ADAMTS12: variants seen among roughly 807,000 people sequenced by gnomAD.
ADAMTS12 encodes the protein A disintegrin and metalloproteinase with thrombospondin motifs 12.
In ADAMTS12, 118 loss-of-function variants were observed where a neutral mutation model predicts 167.8. That is an observed-to-expected ratio of 0.70 (90% CI 0.61 to 0.82). The LOEUF (loss-of-function observed/expected upper bound fraction) is 0.82, where lower values mean the gene tolerates loss of function less well. ADAMTS12 is among the 40% of genes least tolerant of loss of function. The pLI is 0.00. For missense variants in ADAMTS12, 1,916 were observed against 1,998.8 expected, an observed-to-expected ratio of 0.96 and a Z score of 0.79; for synonymous variants, 704 against 716.9, an observed-to-expected ratio of 0.98 and a Z score of 0.29.
chr5:33,618,307 T>C (rs1200878095), intron 14 of ADAMTS12, among the ~76,000 whole-genome samples: 2 of 152,182 alleles, frequency 1.3e-5, no homozygotes, highest in African/African-American at 4.8e-5. Flanking sequence ...TTCTCTCAGG[T>C]AGAAGAGGTG....
chr5:33,706,495 A>G (rs530220444), intron 3 of ADAMTS12, among the ~76,000 whole-genome samples: 1 of 152,240 alleles, frequency 6.6e-6, no homozygotes, highest in South Asian at 2.1e-4. Context: ...TAAAGTCTGT[A>G]TAATCAGAGA....
intron 3 of ADAMTS12, among the ~76,000 whole-genome samples, chr5:33,706,857 G>A (rs1743220067): frequency 6.6e-6 from 1 of 152,122 alleles, no homozygotes; most frequent in African/African-American, 2.4e-5. Context: ...ATACTGAATG[G>A]GCAAAAGCTG....
At chr5:33,712,925 G>C (rs1044060401) in intron 3 of ADAMTS12, among the ~76,000 whole-genome samples, 1 of 152,108 alleles carries the variant, frequency 6.6e-6, no homozygotes, top group African/African-American at 2.4e-5. Flanking sequence ...CAATCATCTA[G>C]TGGCAGAATA....
At chr5:33,743,734 T>TCCAC (rs1744684929) in intron 3 of ADAMTS12, among the ~76,000 whole-genome samples, 1 of 152,146 alleles carries the variant, frequency 6.6e-6, no homozygotes, top group Admixed American at 6.5e-5. Flanking sequence ...CATCCATCCA[T>TCCAC]CCACCCACCC....
chr5:33,887,504 G>A (rs1327456301), intron 1 of ADAMTS12, among the ~76,000 whole-genome samples: 2 of 152,104 alleles, frequency 1.3e-5, no homozygotes, highest in Non-Finnish European at 2.9e-5. Flanking sequence ...TTACATCACA[G>A]TTTATACAAG....
intron 2 of ADAMTS12, chr5:33,840,320 T>C (rs1350335402): frequency 6.6e-6 from 1 of 152,238 alleles, no homozygotes; most frequent in Non-Finnish European, 1.5e-5. Flanking sequence ...TCTTTTCTCC[T>C]TACTACTTCT....
chr5:33,711,986 G>A (rs1411571904), intron 3 of ADAMTS12, among the ~76,000 whole-genome samples: 1 of 152,070 alleles, frequency 6.6e-6, no homozygotes, highest in Non-Finnish European at 1.5e-5. Flanking sequence ...AATGATGTTT[G>A]GGCACAGTTC....
At chr5:33,792,222 C>G (rs931131556) in intron 2 of ADAMTS12, among the ~76,000 whole-genome samples, 1 of 152,126 alleles carries the variant, frequency 6.6e-6, no homozygotes, top group Non-Finnish European at 1.5e-5. Context: ...TCTCGAACTC[C>G]TGACCTCAAG....
At position 33,690,569 on chromosome 5, in the gene ADAMTS12, T is replaced by A. The variant is rs1049341586; in HGVS notation, c.635-6514A>T. Among the ~76,000 whole-genome samples, 7 of 152,228 alleles carry A rather than the reference T, an allele frequency of 4.6e-5. No homozygotes were observed. The East Asian group carries it at 1.4e-3, about 30-fold the overall frequency. ...CAAAAAGGAAGATGGAAATGGTAGA[T>A]CATTTGGGACACATGACTCTTCCCA... On this transcript the variant is annotated intron_variant, in intron 3 of 23. Transcript: ENST00000504830.
Position 33,550,814 on chromosome 5 carries a change from G to A in ADAMTS12, c.4126-1431C>T, listed in dbSNP as rs142943883. Among the ~76,000 whole-genome samples, 336 of 152,148 alleles carry A rather than the reference G, an allele frequency of 2.2e-3. 1 individual carries two copies. Among genetic ancestry groups the A allele is most frequent in the African/African-American group, 7.5e-3 (312 of 41,516 alleles). On this transcript the variant is annotated intron_variant, in intron 20 of 23. Coordinates refer to ENST00000504830, the MANE Select transcript of ADAMTS12 (RefSeq NM_030955.4). ...AGCCTGCCCTGCCCTGCCCTGTTCC[G>A]CATCACACCATGGATCCCTAGCACA...
chr5:33,550,970 C>A (rs1353290192), intron 20 of ADAMTS12, among the ~76,000 whole-genome samples: 1 of 152,170 alleles, frequency 6.6e-6, no homozygotes, highest in Non-Finnish European at 1.5e-5. Context: ...GAATGTGCTT[C>A]TTTACCCTCT....
At chr5:33,786,976 A>T (rs1286290482) in intron 2 of ADAMTS12, among the ~76,000 whole-genome samples, 1 of 151,860 alleles carries the variant, frequency 6.6e-6, no homozygotes, top group Non-Finnish European at 1.5e-5. Context: ...ATTTTGTTAC[A>T]GTTAGGACCA....
rs1292484389 is a variant in ADAMTS12, at chr5:33,641,209, G to A, written c.1718+601C>T. Among the ~76,000 whole-genome samples the A allele has an allele frequency of 2.6e-5, 4 of 152,112 alleles. No homozygotes were observed. In the East Asian group the frequency reaches 5.8e-4, roughly 22 times the overall value. On this transcript the variant is annotated intron_variant, in intron 11 of 23. Coordinates refer to ENST00000504830, the MANE Select transcript of ADAMTS12 (RefSeq NM_030955.4). The stretch of plus-strand genomic sequence containing the variant: ...ATATTATCATACAAATAGAATATAT[G>A]AAAAATTAAGCAATTTGCTTAAACA...
chr5:33,815,845 G>C (rs956692564), intron 2 of ADAMTS12, among the ~76,000 whole-genome samples: 4 of 152,148 alleles, frequency 2.6e-5, no homozygotes, highest in Admixed American at 1.3e-4. Context: ...TATTAATGGA[G>C]ACCCTCTTTC....
rs758080550 is a variant in ADAMTS12 at position 33,561,144 on chromosome 5, T to C, written c.4008A>G (p.Arg1336=). The part of the protein sequence containing the change: ...STTCGLGAYW[R]RVECSTQMDS... ...CCATCTGGGTGCTGCACTCCACCCT[T>C]CTCCAGTAGGCCCCCAGGCCACATG... The change falls in exon 20 of 24, where the codon AGA becomes AGG. Residue 1336 remains arginine, a synonymous_variant. Transcript: ENST00000504830. 2 of 1,614,064 alleles carry C rather than the reference T, an allele frequency of 1.2e-6. No individual in the cohort carries two copies. The highest frequency in any genetic ancestry group is 1.7e-5 in the Admixed American group (1 of 60,026).
At chr5:33,886,373 G>C (rs1750636962) in intron 1 of ADAMTS12, among the ~76,000 whole-genome samples, 1 of 152,180 alleles carries the variant, frequency 6.6e-6, no homozygotes, top group Non-Finnish European at 1.5e-5. Context: ...CAACAACCCT[G>C]TGATAGAGAT....
chr5:33,534,761 C>T, intron 23 of ADAMTS12, 72 bp downstream of exon 23: 1 of 1,522,746 alleles, frequency 6.6e-7, no homozygotes, highest in Non-Finnish European at 8.8e-7. Context: ...GTAAAGCTAT[C>T]TACAAGTTGT....
chr5:33,837,978 CTGTATT>C (rs1243570714), intron 2 of ADAMTS12, among the ~76,000 whole-genome samples: 1 of 152,066 alleles, frequency 6.6e-6, no homozygotes, highest in East Asian at 1.9e-4. Context: ...ACAATTAAAT[CTGTATT>C]TGTGGTTCCG....
At chr5:33,618,008 G>T (rs561870499) in intron 14 of ADAMTS12, among the ~76,000 whole-genome samples, 10 of 152,116 alleles carry the variant, frequency 6.6e-5, no homozygotes, top group Admixed American at 1.3e-4. Context: ...GAGCCCCTAC[G>T]CAAGTAAAAA....
Sources: allele counts gnomAD v4.1 joint callset (sites outside exome capture counted in the v4.1 genomes callset), GRCh38; gene constraint gnomAD v4.1.1; transcripts MANE v1.5; gene names NCBI Gene and HGNC (gene_info 2026-07-23, HGNC 2026-07-21).